The following DPP10 variants were observed in gnomAD, a reference collection of about 807,000 sequenced individuals.
DPP10 encodes dipeptidyl peptidase like 10.
In DPP10, 33 loss-of-function variants were observed where a neutral mutation model predicts 120.9. The observed-to-expected ratio is 0.27, with a 90% confidence interval of 0.21 to 0.37. The LOEUF (loss-of-function observed/expected upper bound fraction) is 0.37. Among genes scored for constraint, DPP10 ranks in the 10% least tolerant of loss-of-function variants. The pLI is 1.00. For missense variants in DPP10, 816 were observed against 942.8 expected, an observed-to-expected ratio of 0.87 and a Z score of 1.76; for synonymous variants, 337 against 326.1, an observed-to-expected ratio of 1.03 and a Z score of -0.36.
At chr2:114,473,820 G>A (rs1680140691) in intron 1 of DPP10, among the ~76,000 whole-genome samples, 1 of 152,086 alleles carries the variant, frequency 6.6e-6, no homozygotes, top group Non-Finnish European at 1.5e-5. Context: ...CTGACATTTA[G>A]TTATTAAAAG....
rs545546515 is a variant in DPP10, at chr2:114,635,819, G to A, written c.60+192981G>A. The stretch of plus-strand genomic sequence containing the variant: ...AAATATTTTTAATTTATTTAAAATA[G>A]CAACAATAAAATCTCATATGTTAGC... On this transcript the variant is annotated intron_variant, in intron 1 of 25. Coordinates refer to ENST00000410059, the MANE Select transcript of DPP10 (RefSeq NM_020868.6). Among the ~76,000 whole-genome samples, 204 of 151,850 alleles carry A rather than the reference G, an allele frequency of 1.3e-3. 1 individual carries two copies. Among genetic ancestry groups the A allele is most frequent in the Middle Eastern group, 3.4e-3 (1 of 294 alleles).
chr2:114,926,061 T>C (rs1356357992), intron 1 of DPP10, among the ~76,000 whole-genome samples: 1 of 152,138 alleles, frequency 6.6e-6, no homozygotes, highest in Admixed American at 6.5e-5. Flanking sequence ...TGTGGTATAA[T>C]AGAGATATAC....
intron 1 of DPP10, among the ~76,000 whole-genome samples, chr2:114,732,605 A>G (rs2105949272): frequency 6.6e-6 from 1 of 152,326 alleles, no homozygotes; most frequent in Non-Finnish European, 1.5e-5. Flanking sequence ...AGTTTTGAGC[A>G]GAAAAGTGAC....
chr2:115,314,573 T>C (rs1234110416), intron 2 of DPP10, among the ~76,000 whole-genome samples: 1 of 152,186 alleles, frequency 6.6e-6, no homozygotes. Flanking sequence ...TGATCTCAGT[T>C]AAACAAGAAT....
chr2:114,701,730 G>T (rs746175304), intron 1 of DPP10, among the ~76,000 whole-genome samples: 5 of 152,070 alleles, frequency 3.3e-5, no homozygotes, highest in Non-Finnish European at 7.4e-5. Context: ...TGATGGGAAT[G>T]GGGGGTGGGC....
chr2:114,801,668 CATA>C (rs1387006332), intron 1 of DPP10, among the ~76,000 whole-genome samples: 1 of 152,168 alleles, frequency 6.6e-6, no homozygotes, highest in Non-Finnish European at 1.5e-5. Flanking sequence ...TTCCTCATTT[CATA>C]ATATTTCTCT....
chr2:114,997,979 T>A (rs571514182), intron 1 of DPP10, among the ~76,000 whole-genome samples: 1 of 152,346 alleles, frequency 6.6e-6, no homozygotes, highest in African/African-American at 2.4e-5. Context: ...ATTTTGTGCA[T>A]GAAACAAAAT....
chr2:115,046,024 G>A (rs72834193), intron 1 of DPP10, among the ~76,000 whole-genome samples: 146,670 of 151,742 alleles, frequency 0.97, 71,091 homozygotes, highest in Middle Eastern at 1. Context: ...GTGTGTGTGT[G>A]TGTGTGTGTG....
intron 3 of DPP10, among the ~76,000 whole-genome samples, chr2:115,371,203 C>T (rs531904998): frequency 1.6e-4 from 24 of 152,094 alleles, no homozygotes; most frequent in East Asian, 1.4e-3. Context: ...TTCACCCGCC[C>T]GTCATGTGAA....
chr2:114,956,303 T>A (rs1698194161), intron 1 of DPP10, among the ~76,000 whole-genome samples: 1 of 151,684 alleles, frequency 6.6e-6, no homozygotes, highest in African/African-American at 2.4e-5. Flanking sequence ...AACAACAAAC[T>A]ACCTGAAAAC....
Position 114,554,811 on chromosome 2 carries a change from A to T in DPP10, c.60+111973A>T, listed in dbSNP as rs548847253. Among the ~76,000 whole-genome samples the T allele has an allele frequency of 4.6e-5, 7 of 152,284 alleles. No individual in the cohort carries two copies. The South Asian group carries it at 1.5e-3, about 32-fold the overall frequency. On this transcript the variant is annotated intron_variant, in intron 1 of 25. Coordinates refer to ENST00000410059, the MANE Select transcript of DPP10 (RefSeq NM_020868.6). ...GTTTGTACATCTTCTGCCCCCTTGGATACAACAGCATGCACGGACATTTGC... is the reference window on the plus strand; with the variant it reads ...GTTTGTACATCTTCTGCCCCCTTGGTTACAACAGCATGCACGGACATTTGC...
At chr2:114,611,175 G>A (rs896186409) in intron 1 of DPP10, among the ~76,000 whole-genome samples, 16 of 152,032 alleles carry the variant, frequency 1.1e-4, no homozygotes, top group African/African-American at 2.7e-4. Context: ...AATGGGAATC[G>A]GAGTGCCCCT....
intron 3 of DPP10, among the ~76,000 whole-genome samples, chr2:115,467,093 A>C (rs1372306627): frequency 6.6e-6 from 1 of 152,184 alleles, no homozygotes; most frequent in Non-Finnish European, 1.5e-5. Flanking sequence ...CCCTTCAGAA[A>C]TTTGGAAGGC....
At chr2:115,134,894 C>G (rs1374135614) in intron 1 of DPP10, among the ~76,000 whole-genome samples, 1 of 151,992 alleles carries the variant, frequency 6.6e-6, no homozygotes, top group East Asian at 1.9e-4. Context: ...AAGAAGATTT[C>G]TGGGAGAGAA....
chr2:114,603,870 G>A (rs1462924420), intron 1 of DPP10, among the ~76,000 whole-genome samples: 1 of 152,126 alleles, frequency 6.6e-6, no homozygotes, highest in East Asian at 1.9e-4. Flanking sequence ...CAGATTTGAT[G>A]ATTTGCTAGA....
intron 3 of DPP10, among the ~76,000 whole-genome samples, chr2:115,352,329 G>A (rs1038661136): frequency 2.0e-5 from 3 of 152,146 alleles, no homozygotes; most frequent in Non-Finnish European, 2.9e-5. Flanking sequence ...CATTTATTGA[G>A]CTTCATATAT....
Position 115,590,516 on chromosome 2 carries a change from C to T in DPP10, c.441+64544C>T, listed in dbSNP as rs555131232. 3.2e-3 allele frequency among the ~76,000 whole-genome samples: 490 copies of T among 152,234 alleles called. 2 individuals carry two copies. The highest frequency in any genetic ancestry group is 0.011 in the African/African-American group (454 of 41,528). On this transcript the variant is annotated intron_variant, in intron 5 of 25. Transcript: ENST00000410059. Reference sequence around the variant, plus strand: ...ATGAACTCATCCTTTTTTATAGCTGCGTAGTATTCCATGGTGTATATGTGC... The same window carrying T: ...ATGAACTCATCCTTTTTTATAGCTGTGTAGTATTCCATGGTGTATATGTGC...
At chr2:114,885,149 C>T (rs1019365998) in intron 1 of DPP10, among the ~76,000 whole-genome samples, 2 of 152,192 alleles carry the variant, frequency 1.3e-5, no homozygotes, top group African/African-American at 4.8e-5. Flanking sequence ...GTCCCATAGG[C>T]TGTAGAGGAA....
At chr2:115,147,211 C>A (rs2051274960) in intron 1 of DPP10, among the ~76,000 whole-genome samples, 1 of 150,888 alleles carries the variant, frequency 6.6e-6, no homozygotes, top group Non-Finnish European at 1.5e-5. Context: ...ATATGCTATA[C>A]CATAGTATAC....
Sources: gnomAD v4.1 joint callset for allele counts (sites outside exome capture counted in the v4.1 genomes callset) on GRCh38, gnomAD v4.1.1 for gene constraint, MANE v1.5 for transcripts, NCBI Gene and HGNC (gene_info 2026-07-23, HGNC 2026-07-21) for gene names.